The following RAP1GAP2 variants were observed in gnomAD, a reference collection of about 807,000 sequenced individuals.
RAP1GAP2 encodes the protein rap1 GTPase-activating protein 2.
In RAP1GAP2, 27 loss-of-function variants were observed where a neutral mutation model predicts 95.0. That is an observed-to-expected ratio of 0.28 (90% CI 0.21 to 0.39). The LOEUF (loss-of-function observed/expected upper bound fraction) is 0.39. Among genes scored for constraint, RAP1GAP2 ranks in the 10% least tolerant of loss-of-function variants. The pLI, the probability that RAP1GAP2 is intolerant of heterozygous loss-of-function variation, is 1.00. For synonymous variants in RAP1GAP2, 373 were observed against 380.9 expected, an observed-to-expected ratio of 0.98 and a Z score of 0.24; for missense variants, 771 against 970.0, an observed-to-expected ratio of 0.79 and a Z score of 2.72.
chr17:3,025,769 G>T (rs911744456), intron 19 of RAP1GAP2, among the ~76,000 whole-genome samples: 2 of 152,182 alleles, frequency 1.3e-5, no homozygotes, highest in African/African-American at 4.8e-5. Context: ...CTGCTTGGCA[G>T]CTCTGGACTT....
At chr17:2,889,889 A>ATTTTTTT (rs3039128) in intron 2 of RAP1GAP2, among the ~76,000 whole-genome samples, 30 of 57,292 alleles carry the variant, frequency 5.2e-4, no homozygotes, top group South Asian at 1.6e-3. Context: ...ATATATATAT[A>ATTTTTTT]TTTTTTTTTT....
rs370684420 is a variant in RAP1GAP2, at chr17:3,026,455, C to T, written c.1971C>T (p.Gly657=). 168 of 1,549,570 alleles carry T rather than the reference C, an allele frequency of 1.1e-4. 2 individuals are homozygous for T. Among genetic ancestry groups the T allele is most frequent in the South Asian group, 3.6e-4 (30 of 83,684 alleles). The change falls in exon 21 of 25, where the codon GGC becomes GGT. Residue 657 remains glycine, a synonymous_variant. Transcript: ENST00000254695. ...GGGAGGGCGAGGCCATGGAGGAGGG[C>T]GACAGTGGGGTAGGTGTGCCCCGTC... ...TAGEGEAMEE[G]DSGGSQPSTT...
At chr17:2,791,003 G>A (rs1404550076) in intron 1 of RAP1GAP2, among the ~76,000 whole-genome samples, 2 of 152,340 alleles carry the variant, frequency 1.3e-5, no homozygotes. Context: ...TCATGAGTTC[G>A]AGACCATCCA....
Position 2,850,524 on chromosome 17 carries a change from G to A in RAP1GAP2, c.80+49974G>A, listed in dbSNP as rs1199016718. 6.0e-5 allele frequency among the ~76,000 whole-genome samples: 9 copies of A among 150,924 alleles called. No homozygotes were observed. The East Asian group carries it at 1.0e-3, about 17-fold the overall frequency. On this transcript the variant is annotated intron_variant, in intron 2 of 24. Transcript: ENST00000254695. ...AGCACTTTGGGAGGCCAAGATGGGC[G>A]GATCACGAGGTCAGGAGATCGAGAC...
intron 11 of RAP1GAP2, among the ~76,000 whole-genome samples, chr17:2,987,153 C>G (rs761664270): frequency 8.5e-5 from 13 of 152,198 alleles, no homozygotes; most frequent in Admixed American, 6.5e-4. Flanking sequence ...ACACAGGCAG[C>G]AGGCCAGACT....
chr17:2,921,715 A>ACGGGGCCGTTACGGTGTCCG (rs1555569369), intron 3 of RAP1GAP2, among the ~76,000 whole-genome samples: 1 of 149,540 alleles, frequency 6.7e-6, no homozygotes, highest in East Asian at 2.0e-4. Context: ...TTATGTGTCC[A>ACGGGGCCGTTACGGTGTCCG]CAGGGCCGTT....
At chr17:2,895,317 C>T (rs915239347) in intron 2 of RAP1GAP2, among the ~76,000 whole-genome samples, 16 of 152,252 alleles carry the variant, frequency 1.1e-4, no homozygotes, top group African/African-American at 3.8e-4. Context: ...CCCAGCGGGC[C>T]CCTTCTCCTC....
chr17:2,957,889 C>T, intron 4 of RAP1GAP2, 95 bp downstream of exon 4: 1 of 1,300,468 alleles, frequency 7.7e-7, no homozygotes, highest in Non-Finnish European at 1.0e-6. Context: ...AAGCCGGGTG[C>T]CCTGGACGGG....
chr17:2,815,644 G>C lies in RAP1GAP2; in HGVS notation c.80+15094G>C, dbSNP rs566742782. Among the ~76,000 whole-genome samples the C allele has an allele frequency of 7.2e-5, 11 of 152,080 alleles. No individual in the cohort carries two copies. In the East Asian group the frequency reaches 2.1e-3, roughly 30 times the overall value. Reference sequence around the variant, plus strand: ...TTACAGGCGCGCACCACCACGCCCAGCTAATTTTTGTATTTTTAGTAGAGA... The same window carrying C: ...TTACAGGCGCGCACCACCACGCCCACCTAATTTTTGTATTTTTAGTAGAGA... On this transcript the variant is annotated intron_variant, in intron 2 of 24. Transcript: ENST00000254695.
At position 2,796,936 on chromosome 17, in the gene RAP1GAP2, G is replaced by C. The variant is rs1255441154; in HGVS notation, c.44+365G>C. Among the ~76,000 whole-genome samples, 1 of 152,162 alleles carries C rather than the reference G, an allele frequency of 6.6e-6. No individual in the cohort carries two copies. The highest frequency in any genetic ancestry group is 6.5e-5 in the Admixed American group (1 of 15,280). ...AGTGTGTGTGTGCGCGTTTGAGCCT[G>C]TGTGTGCAGGCGTGTGTGTGTGGCT... On this transcript the variant is annotated intron_variant, in intron 1 of 24. Coordinates refer to ENST00000254695, the MANE Select transcript of RAP1GAP2 (RefSeq NM_015085.5). This position sits in a 1 kb window ranked among gnomAD's most constrained non-coding sequence, Gnocchi z 4.7.
Position 2,866,399 on chromosome 17 carries a change from C to T in RAP1GAP2, c.81-38885C>T, listed in dbSNP as rs1449662216. Among the ~76,000 whole-genome samples, 1 of 152,148 alleles carries T rather than the reference C, an allele frequency of 6.6e-6. No individual in the cohort carries two copies. Among genetic ancestry groups the T allele is most frequent in the East Asian group, 1.9e-4 (1 of 5,178 alleles). On this transcript the variant is annotated intron_variant, in intron 2 of 24. Coordinates refer to ENST00000254695, the MANE Select transcript of RAP1GAP2 (RefSeq NM_015085.5). The surrounding 1 kb of genome is among the most constrained non-coding windows in gnomAD (Gnocchi z 4.0). ...GAGGCTTCCCTGCTCCCCGCCTCCCCTAGACTCAGGGCAGTTGGTACCCCA... is the reference window on the plus strand; with the variant it reads ...GAGGCTTCCCTGCTCCCCGCCTCCCTTAGACTCAGGGCAGTTGGTACCCCA...
rs1242207097 is a variant in RAP1GAP2 at position 2,963,949 on chromosome 17, T to C, written c.373T>C (p.Ser125Pro). ...EDPENVGTPTSLGSSICEEEE... is the reference protein window; with the variant it reads ...EDPENVGTPTPLGSSICEEEE... ...CCCGGAGAACGTGGGCACCCCAACATCGCTGGGGAGCAGCATCTGTGAGGA... is the reference window on the plus strand; with the variant it reads ...CCCGGAGAACGTGGGCACCCCAACACCGCTGGGGAGCAGCATCTGTGAGGA... Residue 125 changes from serine (S) to proline (P), a missense_variant, in exon 7 of 25, where the codon TCG (serine) becomes CCG (proline). Ser to Pro is a moderately conservative substitution (Grantham distance 74, BLOSUM62 -1). Transcript: ENST00000254695. The surrounding 1 kb of genome is among the most constrained non-coding windows in gnomAD (Gnocchi z 4.8). 3.1e-6 allele frequency: 5 copies of C among 1,612,988 alleles called. No homozygotes were observed. The highest frequency in any genetic ancestry group is 4.2e-6 in the Non-Finnish European group (5 of 1,179,700).
intron 4 of RAP1GAP2, 84 bp downstream of exon 4, chr17:2,957,878 G>C: frequency 7.4e-7 from 1 of 1,358,224 alleles, no homozygotes. Flanking sequence ...CCCACGGGCA[G>C]AAGCCGGGTG....
intron 1 of RAP1GAP2, among the ~76,000 whole-genome samples, chr17:2,786,435 A>G (rs2068776803): frequency 6.6e-6 from 1 of 152,014 alleles, no homozygotes; most frequent in Non-Finnish European, 1.5e-5. Flanking sequence ...TCCTCCTCGC[A>G]CCACCCAAGC....
At chr17:2,826,883 G>T (rs1165100079) in intron 2 of RAP1GAP2, among the ~76,000 whole-genome samples, 3 of 152,188 alleles carry the variant, frequency 2.0e-5, no homozygotes, top group Admixed American at 6.6e-5. Context: ...GCGTACGCCT[G>T]TAGTCCCAGC....
intron 10 of RAP1GAP2, among the ~76,000 whole-genome samples, chr17:2,983,047 A>G (rs1483235031): frequency 1.3e-5 from 2 of 152,168 alleles, no homozygotes; most frequent in African/African-American, 4.8e-5. Context: ...AGGGTCGGGC[A>G]GCAGCGCCGT....
chr17:2,960,976 G>A (rs1052616375), intron 4 of RAP1GAP2, among the ~76,000 whole-genome samples: 3 of 152,234 alleles, frequency 2.0e-5, no homozygotes, highest in African/African-American at 7.2e-5. Flanking sequence ...AGCACTTTGG[G>A]AGGCTGAGGC....
chr17:2,845,922 G>A lies in RAP1GAP2; in HGVS notation c.80+45372G>A, dbSNP rs557086151. 1.4e-4 allele frequency among the ~76,000 whole-genome samples: 21 copies of A among 151,988 alleles called. 1 individual carries two copies. The South Asian group carries it at 4.0e-3, about 29-fold the overall frequency. ...TTATCAGCCGGGTGTGGTGGCTCAC[G>A]CCTGTAATTCCAGCACTTTCGGAGG... On this transcript the variant is annotated intron_variant, in intron 2 of 24. Coordinates refer to ENST00000254695, the MANE Select transcript of RAP1GAP2 (RefSeq NM_015085.5).
At chr17:2,969,426 AT>A (rs2044756620) in intron 8 of RAP1GAP2, among the ~76,000 whole-genome samples, 1 of 130,878 alleles carries the variant, frequency 7.6e-6, no homozygotes, top group Admixed American at 8.2e-5. Flanking sequence ...CAACCCAACC[AT>A]TTGAAACACA....
Sources: gnomAD v4.1 joint callset for allele counts (sites outside exome capture counted in the v4.1 genomes callset) on GRCh38, gnomAD v4.1.1 for gene constraint, Gnocchi (gnomAD v3.1) non-coding constraint, MANE v1.5 for transcripts, NCBI Gene and HGNC (gene_info 2026-07-23, HGNC 2026-07-21) for gene names.